The following OGA variants were observed in gnomAD, a reference collection of about 807,000 sequenced individuals.
The protein encoded by OGA is protein O-GlcNAcase.
In OGA, 21 loss-of-function variants were observed where a neutral mutation model predicts 102.0. The ratio of observed to expected loss-of-function variants is 0.21; its 90% CI spans 0.15 to 0.30. OGA has a LOEUF of 0.30. OGA is among the 10% of genes least tolerant of loss of function. The probability of loss-of-function intolerance (pLI) is 1.00; values close to 1 mark genes in which losing one functional copy is unlikely to be tolerated. For missense variants in OGA, 765 were observed against 1,107.8 expected (o/e 0.69, Z 4.39); for synonymous variants, 408 against 378.2 (o/e 1.08, Z -0.91).
At position 101,793,907 on chromosome 10, in the gene OGA, T is replaced by C. The variant is rs568622746; in HGVS notation, c.2070+6A>G. On this transcript the variant is annotated splice_donor_region_variant and intron_variant, in intron 11 of 15. Transcript: ENST00000361464. ...TGTCAATTCAGTTGTGAATTCATAT[T>C]GATACCTGGAACTCTCCTGCTAGAC... 3.2e-6 allele frequency: 5 copies of C among 1,586,188 alleles called. No individual in the cohort carries two copies. The highest frequency in any genetic ancestry group is 2.2e-5 in the South Asian group (2 of 90,384).
At chr10:101,816,146 C>G (rs2065621840) in intron 1 of OGA, among the ~76,000 whole-genome samples, 1 of 152,024 alleles carries the variant, frequency 6.6e-6, no homozygotes, top group African/African-American at 2.4e-5. Context: ...GTCTGCAGTC[C>G]CAGCTACTTG....
chr10:101,816,668 T>C (rs2065629595), intron 1 of OGA, among the ~76,000 whole-genome samples: 1 of 152,220 alleles, frequency 6.6e-6, no homozygotes, highest in Admixed American at 6.5e-5. Context: ...TATAGCAGTT[T>C]TCCATTCTGT....
In OGA at chr10:101,786,278, C is replaced by T; in HGVS notation, c.*173G>A. 1.8e-6 allele frequency: 1 copy of T among 569,926 alleles called. No individual in the cohort carries two copies. The highest frequency in any genetic ancestry group is 2.8e-6 in the Non-Finnish European group (1 of 361,360). 35.3% of individuals were successfully genotyped at this position (569,926 alleles called of 1,614,324 possible). A position where few individuals can be genotyped will look rare whatever the true frequency, so the allele number is the denominator to read the frequency against. On this transcript the variant is annotated 3_prime_UTR_variant, in exon 16 of 16. Coordinates refer to ENST00000361464, the MANE Select transcript of OGA (RefSeq NM_012215.5). ...GATTTGCTGCAATACTATATTCTTC[C>T]AACCAGTGAGTAGTCTCAAAGTGTG...
chr10:101,817,618 T>G (rs1023473493), intron 1 of OGA, among the ~76,000 whole-genome samples: 1 of 152,012 alleles, frequency 6.6e-6, no homozygotes, highest in Admixed American at 6.6e-5. Flanking sequence ...GTCAGACTTG[T>G]GAGTGGCCAG....
intron 11 of OGA, 112 bp from the exon 12 acceptor site, chr10:101,793,055 C>T: frequency 1.3e-6 from 1 of 777,296 alleles, no homozygotes; most frequent in Non-Finnish European, 2.2e-6. Context: ...GCAGGCAGAC[C>T]TAAAGAAGAG....
At chr10:101,787,609 A>G (rs2135022370) in intron 14 of OGA, 86 bp from the exon 15 acceptor site, 2 of 1,079,578 alleles carry the variant, frequency 1.9e-6, no homozygotes, top group Admixed American at 2.1e-5. Context: ...CAAGAAAGCA[A>G]TATTTAATAA....
In OGA at chr10:101,812,933, AAAAAT is replaced by A. The variant is rs778593821; in HGVS notation, c.349+92_349+96del. ...AAGAAAAGGAAACTACCTACAAAAT[AAAAAT>A]AAAATGTCATAAAATTCTTGTACAA... is the stretch of plus-strand genomic sequence containing the variant. On this transcript the variant is annotated intron_variant, in intron 3 of 15. Transcript: ENST00000361464. The A allele has an allele frequency of 9.8e-6, 10 of 1,023,676 alleles. No homozygotes were observed. In the East Asian group the frequency reaches 2.4e-4, roughly 25 times the overall value. 63.4% of individuals were successfully genotyped at this position (1,023,676 alleles called of 1,614,324 possible).
chr10:101,786,526 G>A lies in OGA; in HGVS notation c.2676C>T (p.Ser892=). ...PDDKRILEFY[S]KLGCFEIAKM... Reference sequence around the variant, plus strand: ...TTGCAATTTCAAAACATCCTAACTTGCTGTAAAATTCCAGAATTCTTTTAT... The same window carrying A: ...TTGCAATTTCAAAACATCCTAACTTACTGTAAAATTCCAGAATTCTTTTAT... Residue 892 remains serine, a synonymous_variant, in exon 16 of 16, where the codon AGC becomes AGT. Coordinates refer to ENST00000361464, the MANE Select transcript of OGA (RefSeq NM_012215.5). The A allele has an allele frequency of 6.2e-7, 1 of 1,611,818 alleles. No homozygotes were observed. The highest frequency in any genetic ancestry group is 8.5e-7 in the Non-Finnish European group (1 of 1,179,050).
chr10:101,787,267 T>A (rs1044007975), intron 15 of OGA, 97 bp downstream of exon 15: 3 of 1,264,458 alleles, frequency 2.4e-6, no homozygotes, highest in Non-Finnish European at 3.3e-6. Flanking sequence ...AAAAGCAGTA[T>A]AAATTTACAA....
At chr10:101,798,408 C>CTTT (rs1047325578) in intron 9 of OGA, among the ~76,000 whole-genome samples, 6 of 133,006 alleles carry the variant, frequency 4.5e-5, no homozygotes, top group South Asian at 2.4e-4. Context: ...AAAGAACATA[C>CTTT]TTTTTTTTTT....
At chr10:101,814,284 C>G (rs1411852912) in intron 1 of OGA, among the ~76,000 whole-genome samples, 1 of 151,616 alleles carries the variant, frequency 6.6e-6, no homozygotes, top group South Asian at 2.1e-4. Flanking sequence ...GCCGAGACTG[C>G]GTCACTGCAC....
intron 4 of OGA, among the ~76,000 whole-genome samples, chr10:101,809,391 T>C (rs1428348428): frequency 6.6e-6 from 1 of 152,150 alleles, no homozygotes; most frequent in Non-Finnish European, 1.5e-5. Flanking sequence ...GTAAAGCTCT[T>C]TTTACTTAAT....
intron 3 of OGA, among the ~76,000 whole-genome samples, chr10:101,811,452 C>T (rs1216717090): frequency 1.4e-5 from 2 of 144,070 alleles, no homozygotes; most frequent in Non-Finnish European, 3.0e-5. Flanking sequence ...CCTGTAATCC[C>T]AGCACTTTGA....
At chr10:101,787,255 G>A (rs946586805) in intron 15 of OGA, 109 bp downstream of exon 15, 1 of 1,144,548 alleles carries the variant, frequency 8.7e-7, no homozygotes, top group African/African-American at 1.5e-5. Context: ...ATAAAAGGTG[G>A]GAAAAGCAGT....
intron 11 of OGA, 74 bp downstream of exon 11, chr10:101,793,839 C>T: frequency 9.2e-7 from 1 of 1,090,408 alleles, no homozygotes; most frequent in Non-Finnish European, 1.4e-6. Flanking sequence ...ATCCTTCCAG[C>T]CATCTGATGC....
At chr10:101,817,721 G>C (rs1417762363) in intron 1 of OGA, 103 bp downstream of exon 1, 1 of 1,320,892 alleles carries the variant, frequency 7.6e-7, no homozygotes, top group African/African-American at 1.5e-5. Context: ...TTCAGACCCA[G>C]AGGCTTTCCG....
chr10:101,796,303 C>A (rs2065315762), intron 10 of OGA, among the ~76,000 whole-genome samples: 1 of 152,098 alleles, frequency 6.6e-6, no homozygotes, highest in Non-Finnish European at 1.5e-5. Flanking sequence ...GCTCTGTCAC[C>A]CAGGCTGGAG....
chr10:101,801,396 A>G (rs1308007650), intron 7 of OGA, among the ~76,000 whole-genome samples: 1 of 148,430 alleles, frequency 6.7e-6, no homozygotes, highest in Admixed American at 6.8e-5. Flanking sequence ...CCGTCTCAGA[A>G]AAAAAAAAAA....
chr10:101,793,717 G>GA (rs1243737270), intron 11 of OGA, 196 bp downstream of exon 11: 16 of 512,884 alleles, frequency 3.1e-5, no homozygotes, highest in Non-Finnish European at 4.6e-5. Context: ...GGCGCGGGGG[G>GA]GATTGGCAGC....
Sources: gnomAD v4.1 joint callset for allele counts (sites outside exome capture counted in the v4.1 genomes callset) on GRCh38, gnomAD v4.1.1 for gene constraint, MANE v1.5 for transcripts, NCBI Gene and HGNC (gene_info 2026-07-23, HGNC 2026-07-21) for gene names.